ACSBG2: variants seen among roughly 807,000 people sequenced by gnomAD.
The protein encoded by ACSBG2 is acyl-CoA synthetase bubblegum family member 2.
Under a neutral mutation model 74.7 loss-of-function variants are expected in ACSBG2, and 62 were observed. That is an observed-to-expected ratio of 0.83 (90% CI 0.68 to 1.03). The LOEUF (loss-of-function observed/expected upper bound fraction) is 1.03, where lower values mean the gene tolerates loss of function less well. ACSBG2 is among the 50% of genes least tolerant of loss of function. The pLI is 0.00. For missense variants in ACSBG2, 730 were observed against 817.6 expected (o/e 0.89, Z 1.31); for synonymous variants, 309 against 294.1 (o/e 1.05, Z -0.52).
chr19:6,178,435 A>G (rs111381433), intron 8 of ACSBG2, among the ~76,000 whole-genome samples: 20,799 of 151,874 alleles, frequency 0.14, 3,170 homozygotes, highest in African/African-American at 0.38. Flanking sequence ...GGCTGGAGTT[A>G]CAGTGCCATG....
chr19:6,189,304 G>C (rs1406976466), intron 13 of ACSBG2, among the ~76,000 whole-genome samples: 1 of 152,148 alleles, frequency 6.6e-6, no homozygotes, highest in Non-Finnish European at 1.5e-5. Flanking sequence ...ATTAGTCTCT[G>C]TATGTTTTAT....
rs1349250875 is a variant in ACSBG2, at chr19:6,180,995, T to A, written c.907-1756T>A. 6.7e-6 allele frequency among the ~76,000 whole-genome samples: 1 copy of A among 149,916 alleles called. No individual in the cohort carries two copies. Among genetic ancestry groups the A allele is most frequent in the Admixed American group, 6.7e-5 (1 of 15,006 alleles). On this transcript the variant is annotated intron_variant, in intron 8 of 14. Coordinates refer to ENST00000588485, the MANE Select transcript of ACSBG2 (RefSeq NM_030924.5). This position sits in a 1 kb window ranked among gnomAD's most constrained non-coding sequence, Gnocchi z 4.3. ...GGCAGATTGCTTAAGGTCAAGAGTTTAAGACCAGCCTGGCCAACATGGTGA... is the reference window on the plus strand; with the variant it reads ...GGCAGATTGCTTAAGGTCAAGAGTTAAAGACCAGCCTGGCCAACATGGTGA...
chr19:6,172,284 G>A (rs1396622607), intron 7 of ACSBG2, among the ~76,000 whole-genome samples: 2 of 152,166 alleles, frequency 1.3e-5, no homozygotes, highest in African/African-American at 4.8e-5. Flanking sequence ...CAGATTTCTT[G>A]CACTGATTCC....
At position 6,174,852 on chromosome 19, in the gene ACSBG2, A is replaced by C. The variant is rs1220845790; in HGVS notation, c.739-2377A>C. Among the ~76,000 whole-genome samples the C allele has an allele frequency of 6.6e-6, 1 of 152,184 alleles. No individual in the cohort carries two copies. The highest frequency in any genetic ancestry group is 1.5e-5 in the Non-Finnish European group (1 of 68,040). On this transcript the variant is annotated intron_variant, in intron 7 of 14. Transcript: ENST00000588485. This position sits in a 1 kb window ranked among gnomAD's most constrained non-coding sequence, Gnocchi z 4.2. ...AGCAAGAAGTTAAAGGTAGCCTTAG[A>C]TTCTTGCCAGATGTCTACAGCTCAG...
At chr19:6,144,292 C>T (rs1459359963) in intron 2 of ACSBG2, among the ~76,000 whole-genome samples, 1 of 152,182 alleles carries the variant, frequency 6.6e-6, no homozygotes, top group Non-Finnish European at 1.5e-5. Context: ...GCCACTGCAC[C>T]CAGCCTACTG....
chr19:6,167,866 G>A (rs965944087), intron 7 of ACSBG2, among the ~76,000 whole-genome samples: 12 of 152,186 alleles, frequency 7.9e-5, no homozygotes, highest in African/African-American at 2.9e-4. Context: ...ATTGTATGAT[G>A]CATGATAGAG....
chr19:6,137,133 A>G (rs1333305857), intron 1 of ACSBG2, among the ~76,000 whole-genome samples: 1 of 143,602 alleles, frequency 7.0e-6, no homozygotes, highest in Non-Finnish European at 1.5e-5. Context: ...TGGGCAATTT[A>G]TAAAGAAAAG....
intron 7 of ACSBG2, among the ~76,000 whole-genome samples, chr19:6,168,523 A>G (rs2089875611): frequency 6.6e-6 from 1 of 152,126 alleles, no homozygotes; most frequent in Non-Finnish European, 1.5e-5. Context: ...CTTATTCACT[A>G]CTGTAACTGC....
chr19:6,164,892 G>C (rs566892881), intron 6 of ACSBG2, among the ~76,000 whole-genome samples: 57 of 152,286 alleles, frequency 3.7e-4, no homozygotes, highest in African/African-American at 1.3e-3. Flanking sequence ...AGGCTCTGGA[G>C]TCAGACCTTG....
rs149469974 is a variant in ACSBG2, at chr19:6,182,882, C to G, written c.1038C>G (p.Phe346Leu). The G allele has an allele frequency of 6.2e-7, 1 of 1,614,078 alleles. No homozygotes were observed. The highest frequency in any genetic ancestry group is 1.1e-5 in the South Asian group (1 of 91,066). ...CCATGGGCTTGAAGAAGAAGGCATT[C>G]GTGTGGGCAAGAAACATTGGCTTCA... ...AKSMGLKKKA[F>L]VWARNIGFKV... The change falls in exon 9 of 15, where the codon TTC (phenylalanine) becomes TTG (leucine). Residue 346 changes from phenylalanine (F) to leucine (L), a missense_variant. Transcript: ENST00000588485.
chr19:6,167,975 T>TCAC (rs2089856994), intron 7 of ACSBG2, among the ~76,000 whole-genome samples: 1 of 20,168 alleles, frequency 5.0e-5, no homozygotes, highest in African/African-American at 2.2e-4. Context: ...ACTCCCACCC[T>TCAC]CACCCCCACC....
intron 5 of ACSBG2, among the ~76,000 whole-genome samples, chr19:6,157,910 T>G (rs1218008214): frequency 1.3e-5 from 2 of 152,148 alleles, no homozygotes; most frequent in Non-Finnish European, 2.9e-5. Flanking sequence ...CTAAGTTCTA[T>G]CCCTTCCTGT....
rs575729740 is a variant in ACSBG2 at position 6,152,447 on chromosome 19, C to T, written c.386+652C>T. On this transcript the variant is annotated intron_variant, in intron 4 of 14. Coordinates refer to ENST00000588485, the MANE Select transcript of ACSBG2 (RefSeq NM_030924.5). ...CTGGGACTACAGGCGCCCGCCACCG[C>T]GCCCGGCTAATTTTTTGTATTTTTA... 2.7e-5 allele frequency among the ~76,000 whole-genome samples: 2 copies of T among 74,920 alleles called. 1 individual carries two copies. The highest frequency in any genetic ancestry group is 6.0e-5 in the Non-Finnish European group (2 of 33,236). The allele number at this position is 74,920 out of a possible 152,430, so 49.2% of individuals were successfully genotyped here.
chr19:6,167,494 G>A (rs148732416), intron 7 of ACSBG2, among the ~76,000 whole-genome samples: 108 of 150,174 alleles, frequency 7.2e-4, no homozygotes, highest in African/African-American at 2.5e-3. Flanking sequence ...TGGAGGTCCC[G>A]ATCCTAGATC....
At chr19:6,148,643 T>C (rs1246841639) in intron 3 of ACSBG2, among the ~76,000 whole-genome samples, 1 of 74,356 alleles carries the variant, frequency 1.3e-5, no homozygotes, top group South Asian at 4.8e-4. Flanking sequence ...GATGGTGTCA[T>C]AAAGAAAAAA....
intron 13 of ACSBG2, 115 bp from the exon 14 acceptor site, chr19:6,190,469 C>T (rs1179015068): frequency 1.2e-6 from 1 of 835,626 alleles, no homozygotes. Context: ...AAGTCAATGG[C>T]ACAGCCAGCC....
chr19:6,154,143 C>A (rs186986035), intron 4 of ACSBG2, among the ~76,000 whole-genome samples: 1 of 151,812 alleles, frequency 6.6e-6, no homozygotes, highest in African/African-American at 2.4e-5. Context: ...GTGGCTCATG[C>A]CTGTAATTCC....
chr19:6,158,060 CT>C (rs11359693), intron 5 of ACSBG2, among the ~76,000 whole-genome samples: 90,061 of 131,990 alleles, frequency 0.68, 30,089 homozygotes, highest in Admixed American at 0.72. Context: ...CTTTTTTTTT[CT>C]TTTTTTTTTT....
intron 1 of ACSBG2, 22 bp from the exon 2 acceptor site, chr19:6,141,491 T>C: frequency 8.0e-7 from 1 of 1,248,632 alleles, no homozygotes; most frequent in Non-Finnish European, 1.2e-6. Context: ...CCTGTTAAAC[T>C]CCCTGCTTTT....
Sources: allele counts gnomAD v4.1 joint callset (sites outside exome capture counted in the v4.1 genomes callset), GRCh38; gene constraint gnomAD v4.1.1; non-coding constraint Gnocchi (gnomAD v3.1); transcripts MANE v1.5; gene names NCBI Gene and HGNC (gene_info 2026-07-23, HGNC 2026-07-21).